GALNT16: variants seen among roughly 807,000 people sequenced by gnomAD.
GALNT16 encodes polypeptide N-acetylgalactosaminyltransferase 16, also known as UDP-GalNAc:polypeptide N-acetylgalactosaminyltransferase-like protein 1.
GALNT16 carries 40 observed loss-of-function variants against 76.1 expected under a neutral mutation model. The observed-to-expected ratio is 0.53, with a 90% CI of 0.41 to 0.68. The LOEUF (loss-of-function observed/expected upper bound fraction) is 0.68, where lower values mean the gene tolerates loss of function less well. Ranked by LOEUF, GALNT16 falls within the 30% of genes least tolerant of loss-of-function variation. The probability of loss-of-function intolerance (pLI) is 0.00; values close to 1 mark genes in which losing one functional copy is unlikely to be tolerated. For missense variants in GALNT16, 621 were observed against 731.9 expected, an observed-to-expected ratio of 0.85 and a Z score of 1.75; for synonymous variants, 276 against 285.2, an observed-to-expected ratio of 0.97 and a Z score of 0.32.
Position 69,260,183 on chromosome 14 carries a change from A to C in GALNT16, c.-108A>C. The C allele has an allele frequency of 2.3e-6, 1 of 426,882 alleles. No individual in the cohort carries two copies. The highest frequency in any genetic ancestry group is 4.4e-6 in the Non-Finnish European group (1 of 228,736). 26.4% of individuals were successfully genotyped at this position (426,882 alleles called of 1,614,324 possible). A position where few individuals can be genotyped will look rare whatever the true frequency, so the allele number is the denominator to read the frequency against. Reference sequence around the variant, plus strand: ...CTCCTTTTTCTGCTCTGCAGGACTGAGCAGCTAGGCGCGAGCGAAAACAAA... The same window carrying C: ...CTCCTTTTTCTGCTCTGCAGGACTGCGCAGCTAGGCGCGAGCGAAAACAAA... On this transcript the variant is annotated 5_prime_UTR_variant, in exon 1 of 15. Coordinates refer to ENST00000448469, the MANE Select transcript of GALNT16 (RefSeq NM_001168368.2).
rs2045101450 is a variant in GALNT16, at chr14:69,316,443, A to T, written c.178-4268A>T. Among the ~76,000 whole-genome samples the T allele has an allele frequency of 3.3e-5, 5 of 152,186 alleles. No individual in the cohort carries two copies. In the South Asian group the frequency reaches 1.0e-3, roughly 31 times the overall value. On this transcript the variant is annotated intron_variant, in intron 1 of 14. Coordinates refer to ENST00000448469, the MANE Select transcript of GALNT16 (RefSeq NM_001168368.2). The stretch of plus-strand genomic sequence containing the variant: ...GAGAGGTAGCCAAAACCCTAAAATA[A>T]ATAAGTAAAGCACATATAGACTGTG...
chr14:69,287,447 C>A (rs1028600941), intron 1 of GALNT16, among the ~76,000 whole-genome samples: 16 of 152,172 alleles, frequency 1.1e-4, no homozygotes, highest in African/African-American at 3.9e-4. Context: ...GGTAATCTTT[C>A]TTTTTAGCAA....
rs1240319470 is a variant in GALNT16 at position 69,260,178 on chromosome 14, G to T, written c.-113G>T. 5 of 426,370 alleles carry T rather than the reference G, an allele frequency of 1.2e-5. No individual in the cohort carries two copies. In the East Asian group the frequency reaches 2.1e-4, roughly 18 times the overall value. 26.4% of individuals were successfully genotyped at this position (426,370 alleles called of 1,614,324 possible). On this transcript the variant is annotated 5_prime_UTR_variant, in exon 1 of 15. Coordinates refer to ENST00000448469, the MANE Select transcript of GALNT16 (RefSeq NM_001168368.2). Reference sequence around the variant, plus strand: ...CCTCTCTCCTTTTTCTGCTCTGCAGGACTGAGCAGCTAGGCGCGAGCGAAA... The same window carrying T: ...CCTCTCTCCTTTTTCTGCTCTGCAGTACTGAGCAGCTAGGCGCGAGCGAAA...
intron 1 of GALNT16, among the ~76,000 whole-genome samples, chr14:69,276,680 CAA>C (rs11290964): frequency 0.014 from 1,992 of 142,402 alleles, 46 homozygotes; most frequent in African/African-American, 0.046. Context: ...GACTCTATCT[CAA>C]AAAAAAAAAA....
At chr14:69,312,209 C>CCACTGG (rs1183181629) in intron 1 of GALNT16, among the ~76,000 whole-genome samples, 1 of 152,062 alleles carries the variant, frequency 6.6e-6, no homozygotes, top group Admixed American at 6.5e-5. Context: ...TAGAATCATG[C>CCACTGG]CACTGCACTC....
chr14:69,338,318 T>A (rs2045439469), intron 9 of GALNT16, among the ~76,000 whole-genome samples: 1 of 152,232 alleles, frequency 6.6e-6, no homozygotes, highest in Non-Finnish European at 1.5e-5. Flanking sequence ...TGTCTGGGGC[T>A]TTCTAGACAG....
chr14:69,363,745 ACT>A, the GALNT16 span, among the ~76,000 whole-genome samples: 1 of 151,994 alleles, frequency 6.6e-6, no homozygotes, highest in Non-Finnish European at 1.5e-5. Flanking sequence ...GAAGGCACTG[ACT>A]CTAACCCCAG....
chr14:69,321,871 G>A (rs1147471), intron 2 of GALNT16, among the ~76,000 whole-genome samples: 103,392 of 152,152 alleles, frequency 0.68, 36,295 homozygotes, highest in East Asian at 0.92. Flanking sequence ...GCCTGCAGCT[G>A]TGTGCTCAAA....
the GALNT16 span, among the ~76,000 whole-genome samples, chr14:69,365,838 T>C: frequency 8.7e-5 from 13 of 149,962 alleles, no homozygotes; most frequent in African/African-American, 5.1e-5. Context: ...TAAATACTTA[T>C]CATTACTACA....
At chr14:69,306,460 A>C (rs553264978) in intron 1 of GALNT16, among the ~76,000 whole-genome samples, 1 of 152,350 alleles carries the variant, frequency 6.6e-6, no homozygotes, top group Non-Finnish European at 1.5e-5. Flanking sequence ...ATAATGTATT[A>C]AAGAGTACCT....
At chr14:69,339,065 G>T (rs1001734738) in intron 10 of GALNT16, among the ~76,000 whole-genome samples, 1 of 152,102 alleles carries the variant, frequency 6.6e-6, no homozygotes, top group Non-Finnish European at 1.5e-5. Flanking sequence ...CACTCATGGA[G>T]CCCCGAGTGC....
At chr14:69,322,918 C>G (rs2045209449) in intron 2 of GALNT16, among the ~76,000 whole-genome samples, 1 of 131,942 alleles carries the variant, frequency 7.6e-6, no homozygotes, top group Non-Finnish European at 1.6e-5. Flanking sequence ...GCTGAGGTGG[C>G]TCACGGGGTG....
intron 1 of GALNT16, among the ~76,000 whole-genome samples, chr14:69,285,038 C>CTT (rs1239622713): frequency 0.19 from 24,645 of 129,914 alleles, 2,541 homozygotes; most frequent in South Asian, 0.28. Context: ...GTCTCGGGCA[C>CTT]TCTTTTTTTT....
At chr14:69,382,711 C>T in the GALNT16 span, among the ~76,000 whole-genome samples, 1 of 150,324 alleles carries the variant, frequency 6.7e-6, no homozygotes, top group African/African-American at 2.5e-5. Flanking sequence ...TGGTGGCGCG[C>T]ACCTGTAGTC....
At chr14:69,264,819 C>CTTCTTT (rs2044321159) in intron 1 of GALNT16, among the ~76,000 whole-genome samples, 1 of 96,600 alleles carries the variant, frequency 1.0e-5, no homozygotes, top group Non-Finnish European at 1.8e-5. Flanking sequence ...CTTTTTCTTT[C>CTTCTTT]TTTTTTTTTT....
intron 7 of GALNT16, chr14:69,332,519 T>A (rs2045363531): frequency 6.4e-6 from 1 of 156,800 alleles, no homozygotes; most frequent in Non-Finnish European, 1.4e-5. Flanking sequence ...CTCTAGAGAA[T>A]CTGTTGCTGG....
At chr14:69,347,629 G>T (rs1184949120) in intron 13 of GALNT16, among the ~76,000 whole-genome samples, 2 of 152,142 alleles carry the variant, frequency 1.3e-5, no homozygotes, top group Non-Finnish European at 2.9e-5. Flanking sequence ...TCTTGGCACA[G>T]CCCTGACTGC....
At chr14:69,355,695 C>T (rs2045687906), downstream of GALNT16, 1 of 152,324 alleles carries the variant, frequency 6.6e-6, no homozygotes, top group South Asian at 2.1e-4. Context: ...AGGAGAGTCC[C>T]CCGAAAGCCT....
At chr14:69,287,963 T>A (rs2044636595) in intron 1 of GALNT16, among the ~76,000 whole-genome samples, 1 of 152,146 alleles carries the variant, frequency 6.6e-6, no homozygotes, top group South Asian at 2.1e-4. Flanking sequence ...AGCTCTGAAT[T>A]CTCCCTGAAG....
Sources: gnomAD v4.1 joint callset for allele counts (sites outside exome capture counted in the v4.1 genomes callset) on GRCh38, gnomAD v4.1.1 for gene constraint, MANE v1.5 for transcripts, NCBI Gene and HGNC (gene_info 2026-07-23, HGNC 2026-07-21) for gene names.